The following R3HDM1 variants were observed in gnomAD, a reference collection of about 807,000 sequenced individuals.
R3HDM1 encodes the protein R3H domain-containing protein 1.
R3HDM1 carries 46 observed loss-of-function variants against 141.1 expected under a neutral mutation model. That is an observed-to-expected ratio of 0.33 (90% CI 0.26 to 0.42). The LOEUF (loss-of-function observed/expected upper bound fraction) is 0.42. Among genes scored for constraint, R3HDM1 ranks in the 10% least tolerant of loss-of-function variants. The probability of loss-of-function intolerance (pLI) is 1.00; values close to 1 mark genes in which losing one functional copy is unlikely to be tolerated. For synonymous variants in R3HDM1, 435 were observed against 472.9 expected (o/e 0.92, Z 1.04); for missense variants, 1,184 against 1,368.3 (o/e 0.87, Z 2.12).
chr2:135,722,221 C>T (rs1005872072), intron 25 of R3HDM1, among the ~76,000 whole-genome samples: 1 of 152,144 alleles, frequency 6.6e-6, no homozygotes, highest in Admixed American at 6.6e-5. Context: ...TCTAGTGCCA[C>T]CCAAAGACAA....
Position 135,628,500 on chromosome 2 carries a change from G to A in R3HDM1, c.498-3218G>A, listed in dbSNP as rs140940775. ...CATGCAGATAGTGGAAATTTCAGTG[G>A]CAGTGCATTTCACTGAAGAACAATT... On this transcript the variant is annotated intron_variant, in intron 7 of 26. Coordinates refer to ENST00000683871, the MANE Select transcript of R3HDM1 (RefSeq NM_001378107.1). 1.7e-3 allele frequency among the ~76,000 whole-genome samples: 259 copies of A among 152,296 alleles called. 1 individual carries two copies. In the Middle Eastern group the frequency reaches 0.037, roughly 22 times the overall value.
chr2:135,668,590 G>A (rs571871110), intron 19 of R3HDM1, among the ~76,000 whole-genome samples: 1 of 152,332 alleles, frequency 6.6e-6, no homozygotes, highest in African/African-American at 2.4e-5. Context: ...TCTACCCAGT[G>A]TAGTTTAAAC....
chr2:135,628,101 A>G (rs2062233044), intron 7 of R3HDM1, among the ~76,000 whole-genome samples: 4 of 152,210 alleles, frequency 2.6e-5, no homozygotes, highest in South Asian at 2.1e-4. Context: ...CTCACCTGCT[A>G]AAAGATCAAT....
At chr2:135,645,335 C>T in intron 15 of R3HDM1, 44 bp from the exon 16 acceptor site, 1 of 1,517,508 alleles carries the variant, frequency 6.6e-7, no homozygotes, top group Non-Finnish European at 9.1e-7. Context: ...CTATTTTCCA[C>T]CTGTATTCTA....
chr2:135,666,926 A>AC, intron 19 of R3HDM1: 2 of 253,916 alleles, frequency 7.9e-6, no homozygotes, highest in African/African-American at 2.3e-5. Flanking sequence ...ATCTTTAAAA[A>AC]AAAAAAAAAA....
chr2:135,591,209 A>G (rs540114874), intron 1 of R3HDM1, among the ~76,000 whole-genome samples: 1 of 152,334 alleles, frequency 6.6e-6, no homozygotes, highest in East Asian at 1.9e-4. Flanking sequence ...GAATTTTGCT[A>G]AGATTCTTTG....
chr2:135,619,480 G>T (rs536895941), intron 5 of R3HDM1, among the ~76,000 whole-genome samples: 1 of 152,230 alleles, frequency 6.6e-6, no homozygotes, highest in South Asian at 2.1e-4. Context: ...GACTAAAGAA[G>T]TTATATCAAA....
intron 3 of R3HDM1, among the ~76,000 whole-genome samples, chr2:135,609,833 G>A (rs1482820497): frequency 6.6e-6 from 1 of 152,030 alleles, no homozygotes; most frequent in East Asian, 1.9e-4. Context: ...GCTTGAGCTC[G>A]AATTCAAGAC....
At chr2:135,618,980 A>G (rs2061312467) in intron 5 of R3HDM1, among the ~76,000 whole-genome samples, 1 of 148,344 alleles carries the variant, frequency 6.7e-6, no homozygotes, top group African/African-American at 2.5e-5. Context: ...AGATTGCGCT[A>G]TTGCGCTCCA....
intron 1 of R3HDM1, chr2:135,561,432 C>A: frequency 1.3e-6 from 1 of 793,766 alleles, no homozygotes; most frequent in Non-Finnish European, 1.5e-6. Context: ...AAATGTTAAG[C>A]TTGGTGGGAC....
At chr2:135,668,991 G>C in intron 19 of R3HDM1, 18 of 321,808 alleles carry the variant, frequency 5.6e-5, no homozygotes, top group South Asian at 1.3e-4. Context: ...TGTGGAACCT[G>C]AAATAGTGTC....
chr2:135,629,888 T>G (rs189990472), intron 7 of R3HDM1, among the ~76,000 whole-genome samples: 6 of 152,122 alleles, frequency 3.9e-5, no homozygotes, highest in East Asian at 1.9e-4. Flanking sequence ...TAGAATAGAT[T>G]AGGGAAGATC....
chr2:135,570,943 A>G (rs919064909), intron 1 of R3HDM1, among the ~76,000 whole-genome samples: 1 of 152,214 alleles, frequency 6.6e-6, no homozygotes, highest in Non-Finnish European at 1.5e-5. Flanking sequence ...CATTTAGGCA[A>G]TGACTTGATC....
At position 135,602,638 on chromosome 2, in the gene R3HDM1, A is replaced by G. The variant is rs995529417; in HGVS notation, c.-111A>G. The G allele has an allele frequency of 1.3e-6, 2 of 1,547,870 alleles. No homozygotes were observed. The highest frequency in any genetic ancestry group is 2.7e-5 in the African/African-American group (2 of 72,882). On this transcript the variant is annotated 5_prime_UTR_variant, in exon 2 of 27. Transcript: ENST00000683871. ...GTTGACATCCTGGCTGACAACTGTGAAAAAGAACCTTGGATTATTTTATTT... is the reference window on the plus strand; with the variant it reads ...GTTGACATCCTGGCTGACAACTGTGGAAAAGAACCTTGGATTATTTTATTT...
At chr2:135,604,377 C>G (rs950294478) in intron 2 of R3HDM1, among the ~76,000 whole-genome samples, 2 of 152,204 alleles carry the variant, frequency 1.3e-5, no homozygotes, top group African/African-American at 2.4e-5. Context: ...CTACCTTGAT[C>G]TGGCTCGGTC....
intron 1 of R3HDM1, among the ~76,000 whole-genome samples, chr2:135,539,857 G>A (rs772008602): frequency 3.3e-5 from 5 of 152,176 alleles, no homozygotes; most frequent in Non-Finnish European, 7.4e-5. Context: ...CATCAAGATG[G>A]TGGTTGCTGA....
intron 21 of R3HDM1, among the ~76,000 whole-genome samples, chr2:135,706,489 A>G (rs2074943142): frequency 1.3e-5 from 2 of 152,124 alleles, no homozygotes; most frequent in South Asian, 2.1e-4. Flanking sequence ...CAAGTGAACA[A>G]AGGTCTCTGG....
chr2:135,673,087 A>G (rs564362046), intron 19 of R3HDM1, among the ~76,000 whole-genome samples: 1 of 152,254 alleles, frequency 6.6e-6, no homozygotes, highest in East Asian at 1.9e-4. Flanking sequence ...AGCCTGAGCG[A>G]TAGAGACTGC....
In R3HDM1 at chr2:135,724,489, C is replaced by T. The variant is rs1302120554; in HGVS notation, c.*197C>T. 6 of 514,776 alleles carry T rather than the reference C, an allele frequency of 1.2e-5. No individual in the cohort carries two copies. Among genetic ancestry groups the T allele is most frequent in the Non-Finnish European group, 1.7e-5 (5 of 292,622 alleles). 31.9% of individuals were successfully genotyped at this position (514,776 alleles called of 1,614,324 possible). A position where few individuals can be genotyped will look rare whatever the true frequency, so the allele number is the denominator to read the frequency against. On this transcript the variant is annotated 3_prime_UTR_variant, in exon 27 of 27. Transcript: ENST00000683871. ...TTCACCCCACATGACTAGGAATCCA[C>T]ATCAGAATGATACAGAGTTAGCAGG...
Sources: allele counts gnomAD v4.1 joint callset (sites outside exome capture counted in the v4.1 genomes callset), GRCh38; gene constraint gnomAD v4.1.1; transcripts MANE v1.5; gene names NCBI Gene and HGNC (gene_info 2026-07-23, HGNC 2026-07-21).